The following TDRD3 variants were observed in gnomAD, a reference collection of about 807,000 sequenced individuals.
TDRD3 encodes tudor domain containing 3.
TDRD3 carries 45 observed loss-of-function variants against 86.7 expected under a neutral mutation model. The observed-to-expected ratio is 0.52, with a 90% CI of 0.41 to 0.67. The LOEUF is 0.67. TDRD3 is among the 30% of genes least tolerant of loss of function. The pLI is 0.00. For synonymous variants in TDRD3, 298 were observed against 301.7 expected, an observed-to-expected ratio of 0.99 and a Z score of 0.13; for missense variants, 814 against 889.0, an observed-to-expected ratio of 0.92 and a Z score of 1.07.
In TDRD3 at chr13:60,444,737, A is replaced by AAGGT; in HGVS notation, c.184_187dup (p.Glu63GlyfsTer24). ...CCTCCCCAGTGACATCAATAGTGGA[A>AAGGT]AGGTAGAAAAGGTAAAGAAAATCAA... On this transcript the variant is annotated frameshift_variant, in exon 3 of 14. Transcript: ENST00000377881. LOFTEE classifies it high-confidence loss of function. The AAGGT allele has an allele frequency of 6.8e-7, 1 of 1,479,584 alleles. No individual in the cohort carries two copies. Among genetic ancestry groups the AAGGT allele is most frequent in the Non-Finnish European group, 9.1e-7 (1 of 1,101,222 alleles). 91.7% of individuals were successfully genotyped at this position (1,479,584 alleles called of 1,614,324 possible). A position where few individuals can be genotyped will look rare whatever the true frequency, so the allele number is the denominator to read the frequency against.
intron 12 of TDRD3, among the ~76,000 whole-genome samples, chr13:60,544,754 G>A (rs1486287870): frequency 2.0e-5 from 3 of 152,130 alleles, no homozygotes; most frequent in Admixed American, 6.6e-5. Context: ...TAAATCAGAT[G>A]AGCTGTGATA....
intron 1 of TDRD3, among the ~76,000 whole-genome samples, chr13:60,420,669 G>A (rs1450953038): frequency 3.9e-5 from 6 of 152,060 alleles, no homozygotes; most frequent in African/African-American, 7.2e-5. Context: ...CAGGCTGGGC[G>A]TGGTGGCTGA....
At chr13:60,430,855 C>T (rs529457887) in intron 1 of TDRD3, among the ~76,000 whole-genome samples, 1 of 152,082 alleles carries the variant, frequency 6.6e-6, no homozygotes, top group Admixed American at 6.6e-5. Context: ...TGTTTATTAC[C>T]TATCTCACGA....
At chr13:60,547,238 C>T in intron 12 of TDRD3, 1 of 985,338 alleles carries the variant, frequency 1.0e-6, no homozygotes, top group Non-Finnish European at 1.2e-6. Context: ...CATTCTTGGA[C>T]CCAAGGCTGG....
chr13:60,495,777 T>C (rs1394749548), intron 8 of TDRD3, among the ~76,000 whole-genome samples: 9 of 152,042 alleles, frequency 5.9e-5, no homozygotes, highest in African/African-American at 2.2e-4. Context: ...GGGATAAAAG[T>C]TTTTAAGGAC....
intron 13 of TDRD3, among the ~76,000 whole-genome samples, chr13:60,568,120 T>C (rs1958507454): frequency 6.6e-6 from 1 of 152,186 alleles, no homozygotes; most frequent in Admixed American, 6.5e-5. Context: ...GATATGTCTT[T>C]ATCTTCCCCA....
chr13:60,431,670 C>T (rs1594924882), intron 1 of TDRD3, among the ~76,000 whole-genome samples: 1 of 139,722 alleles, frequency 7.2e-6, no homozygotes, highest in Middle Eastern at 4.2e-3. Flanking sequence ...AATCCTTTCA[C>T]CAGCCTGAGC....
intron 8 of TDRD3, among the ~76,000 whole-genome samples, chr13:60,500,558 G>A (rs1190725214): frequency 6.6e-6 from 1 of 152,162 alleles, no homozygotes; most frequent in East Asian, 1.9e-4. Context: ...CATTTCTGAA[G>A]GATAGCAGTG....
At chr13:60,504,505 G>C (rs1037203396) in intron 8 of TDRD3, among the ~76,000 whole-genome samples, 5 of 152,166 alleles carry the variant, frequency 3.3e-5, no homozygotes, top group African/African-American at 1.2e-4. Flanking sequence ...GTATGATTTA[G>C]ACCACATATT....
At chr13:60,439,853 TATG>T (rs1955214111) in intron 2 of TDRD3, 81 bp downstream of exon 2, 1 of 898,966 alleles carries the variant, frequency 1.1e-6, no homozygotes, top group African/African-American at 1.7e-5. Flanking sequence ...AATTGGGTTA[TATG>T]ATAACAAATA....
chr13:60,553,628 G>A (rs1158756151), intron 12 of TDRD3, among the ~76,000 whole-genome samples: 1 of 151,800 alleles, frequency 6.6e-6, no homozygotes, highest in African/African-American at 2.4e-5. Context: ...TTAAAATCAT[G>A]GCAGAAAGCA....
intron 1 of TDRD3, among the ~76,000 whole-genome samples, chr13:60,406,562 G>A (rs1479575079): frequency 1.3e-5 from 2 of 152,138 alleles, no homozygotes; most frequent in Non-Finnish European, 2.9e-5. Flanking sequence ...TGAGTAAGAG[G>A]CTAGGTTCAA....
intron 4 of TDRD3, among the ~76,000 whole-genome samples, chr13:60,464,644 T>A (rs1455996433): frequency 6.6e-6 from 1 of 152,154 alleles, no homozygotes; most frequent in East Asian, 1.9e-4. Flanking sequence ...TGAAATCTTG[T>A]CATTTGCAAC....
chr13:60,397,411 T>C lies in TDRD3; in HGVS notation c.41+6T>C. On this transcript the variant is annotated splice_donor_region_variant and intron_variant, in intron 1 of 13. Coordinates refer to ENST00000377881, the MANE Select transcript of TDRD3 (RefSeq NM_001146070.2). ...GCGTTGTCCCAGGCGGGTTGGTAAG[T>C]GGCGAGTCCCGCCGGCTGCCGGGCC... 1 of 1,489,936 alleles carries C rather than the reference T, an allele frequency of 6.7e-7. No individual in the cohort carries two copies. Among genetic ancestry groups the C allele is most frequent in the Non-Finnish European group, 8.9e-7 (1 of 1,121,452 alleles). 92.3% of individuals were successfully genotyped at this position (1,489,936 alleles called of 1,614,324 possible).
chr13:60,547,898 C>CT (rs1225043941), intron 12 of TDRD3, among the ~76,000 whole-genome samples: 2 of 152,140 alleles, frequency 1.3e-5, no homozygotes, highest in African/African-American at 4.8e-5. Context: ...TGCTTAGAAA[C>CT]ATCAAAGAAT....
chr13:60,551,641 C>A (rs922905955), intron 12 of TDRD3, among the ~76,000 whole-genome samples: 3 of 152,154 alleles, frequency 2.0e-5, no homozygotes, highest in African/African-American at 7.2e-5. Context: ...TTAAAATTTT[C>A]TTTTCTGTTT....
chr13:60,473,460 G>A (rs1388844423), intron 5 of TDRD3, among the ~76,000 whole-genome samples: 2 of 152,120 alleles, frequency 1.3e-5, no homozygotes, highest in East Asian at 3.9e-4. Context: ...CAGCTATATT[G>A]TGGGCGGCAA....
intron 5 of TDRD3, among the ~76,000 whole-genome samples, chr13:60,483,440 T>C (rs1956360311): frequency 6.6e-6 from 1 of 152,142 alleles, no homozygotes; most frequent in Non-Finnish European, 1.5e-5. Context: ...CATAGCTTTA[T>C]GCTTTAAAAT....
At position 60,411,225 on chromosome 13, in the gene TDRD3, A is replaced by T. The variant is rs922725556; in HGVS notation, c.41+13820A>T. Reference sequence around the variant, plus strand: ...CTCATATAATTAGATGTAGTTTCTTAACAAATTGAGAGTTTAACAAGTTGA... The same window carrying T: ...CTCATATAATTAGATGTAGTTTCTTTACAAATTGAGAGTTTAACAAGTTGA... On this transcript the variant is annotated intron_variant, in intron 1 of 13. Coordinates refer to ENST00000377881, the MANE Select transcript of TDRD3 (RefSeq NM_001146070.2). Among the ~76,000 whole-genome samples the T allele has an allele frequency of 2.0e-5, 3 of 152,226 alleles. No homozygotes were observed. In the East Asian group the frequency reaches 5.8e-4, roughly 29 times the overall value.
Sources: allele counts gnomAD v4.1 joint callset (sites outside exome capture counted in the v4.1 genomes callset), GRCh38; gene constraint gnomAD v4.1.1; transcripts MANE v1.5; gene names NCBI Gene and HGNC (gene_info 2026-07-23, HGNC 2026-07-21).